The following MAP4K3 variants were observed in gnomAD, a reference collection of about 807,000 sequenced individuals.
The protein encoded by MAP4K3 is mitogen-activated protein kinase kinase kinase kinase 3, also known as MAPK/ERK kinase kinase kinase 3.
A neutral mutation model predicts 143.5 loss-of-function variants in MAP4K3; 94 were observed. The observed-to-expected ratio is 0.65, with a 90% CI of 0.55 to 0.78. MAP4K3 has a LOEUF of 0.78. Among genes scored for constraint, MAP4K3 ranks in the 30% least tolerant of loss-of-function variants. The pLI is 0.00. For synonymous variants in MAP4K3, 416 were observed against 347.2 expected (o/e 1.20, Z -2.20); for missense variants, 1,077 against 1,068.1 (o/e 1.01, Z -0.12).
At chr2:39,362,942 T>C (rs565960206) in intron 2 of MAP4K3, among the ~76,000 whole-genome samples, 1 of 152,268 alleles carries the variant, frequency 6.6e-6, no homozygotes, top group East Asian at 1.9e-4. Flanking sequence ...GACTATGCAA[T>C]GGGATAAAAC....
intron 4 of MAP4K3, among the ~76,000 whole-genome samples, chr2:39,343,065 T>G (rs59475191): frequency 4.6e-5 from 7 of 152,172 alleles, no homozygotes; most frequent in African/African-American, 1.7e-4. Context: ...TCACTACTCA[T>G]GTATACACTG....
chr2:39,433,843 G>C (rs1435293666), intron 1 of MAP4K3, among the ~76,000 whole-genome samples: 1 of 151,638 alleles, frequency 6.6e-6, no homozygotes, highest in Admixed American at 6.6e-5. Flanking sequence ...ATATGCATTG[G>C]CCTGAAAAAA....
rs756704316 is a variant in MAP4K3, at chr2:39,325,593, C to A, written c.843G>T (p.Leu281Phe). Residue 281 changes from leucine (L) to phenylalanine (F), a missense_variant, in exon 12 of 34, where the codon TTG (leucine) becomes TTT (phenylalanine). Leu to Phe is a conservative substitution (Grantham distance 22, BLOSUM62 0). Coordinates refer to ENST00000263881, the MANE Select transcript of MAP4K3 (RefSeq NM_003618.4). ...TTACTTTATCCAACAGCTCGATTGC[C>A]AAAGACCGTGTCAAATGTTGTGTTA... ...PFVTQHLTRSLAIELLDKVNN... is the reference protein window; with the variant it reads ...PFVTQHLTRSFAIELLDKVNN... 22 of 1,613,028 alleles carry A rather than the reference C, an allele frequency of 1.4e-5. No individual in the cohort carries two copies. The Admixed American group carries it at 3.5e-4, about 26-fold the overall frequency.
chr2:39,372,113 AAAG>A (rs1161219209), intron 2 of MAP4K3, among the ~76,000 whole-genome samples: 1 of 151,838 alleles, frequency 6.6e-6, no homozygotes, highest in Non-Finnish European at 1.5e-5. Context: ...AAATATTCAA[AAAG>A]TAGTATCATT....
intron 19 of MAP4K3, among the ~76,000 whole-genome samples, chr2:39,288,849 G>A (rs1368151672): frequency 6.6e-6 from 1 of 152,122 alleles, no homozygotes; most frequent in Non-Finnish European, 1.5e-5. Flanking sequence ...TCAGGAGATC[G>A]AGATCATCCT....
chr2:39,268,728 C>T lies in MAP4K3; in HGVS notation c.1974-1481G>A, dbSNP rs184265985. ...GACCTCAGTTCACTGCAACCTCTGC[C>T]TCCCAGGTTCAAGTGATTCTCCTGC... is the stretch of plus-strand genomic sequence containing the variant. On this transcript the variant is annotated intron_variant, in intron 26 of 33. Coordinates refer to ENST00000263881, the MANE Select transcript of MAP4K3 (RefSeq NM_003618.4). 5.2e-3 allele frequency among the ~76,000 whole-genome samples: 764 copies of T among 148,184 alleles called. 16 individuals are homozygous for T. The highest frequency in any genetic ancestry group is 0.018 in the African/African-American group (732 of 40,392).
At chr2:39,276,524 T>C (rs966519820) in intron 24 of MAP4K3, among the ~76,000 whole-genome samples, 2 of 152,218 alleles carry the variant, frequency 1.3e-5, no homozygotes, top group Non-Finnish European at 2.9e-5. Context: ...CCTAGGTTCA[T>C]ATCGCAGTCC....
chr2:39,417,289 G>A (rs566615951), intron 1 of MAP4K3, among the ~76,000 whole-genome samples: 105 of 149,630 alleles, frequency 7.0e-4, no homozygotes, highest in African/African-American at 2.4e-3. Flanking sequence ...GCACAATCTC[G>A]GCTCACTGCA....
intron 1 of MAP4K3, among the ~76,000 whole-genome samples, chr2:39,384,838 A>G (rs889552071): frequency 6.6e-6 from 1 of 152,208 alleles, no homozygotes; most frequent in East Asian, 1.9e-4. Flanking sequence ...ATATTAGATT[A>G]TGTAACCACC....
chr2:39,321,289 C>T (rs1205285528), intron 12 of MAP4K3, among the ~76,000 whole-genome samples: 1 of 152,082 alleles, frequency 6.6e-6, no homozygotes, highest in Non-Finnish European at 1.5e-5. Flanking sequence ...GATCTTATTA[C>T]CCCCCAACCC....
intron 17 of MAP4K3, 148 bp from the exon 18 acceptor site, chr2:39,292,974 G>T: frequency 1.4e-6 from 1 of 738,472 alleles, no homozygotes; most frequent in South Asian, 1.7e-5. Flanking sequence ...ATTAAAACAA[G>T]GAACTGGGAG....
chr2:39,389,733 C>T (rs529850238), intron 1 of MAP4K3, among the ~76,000 whole-genome samples: 12 of 152,234 alleles, frequency 7.9e-5, no homozygotes, highest in African/African-American at 2.9e-4. Flanking sequence ...ACACCAAGGG[C>T]TCACTGCCAA....
chr2:39,384,652 T>C (rs1055106739), intron 1 of MAP4K3, among the ~76,000 whole-genome samples: 2 of 152,238 alleles, frequency 1.3e-5, no homozygotes, highest in Non-Finnish European at 2.9e-5. Context: ...ATTAGCCCCA[T>C]ACCACATGTG....
intron 20 of MAP4K3, 62 bp downstream of exon 20, chr2:39,288,059 T>G (rs1472171388): frequency 3.8e-6 from 6 of 1,572,376 alleles, no homozygotes; most frequent in South Asian, 1.1e-5. Flanking sequence ...TAAAAGAAAG[T>G]TTTTTTTCTC....
Position 39,252,839 on chromosome 2 carries a change from T to A in MAP4K3, c.2542-954A>T, listed in dbSNP as rs3770677. ...TGCTCAGCATGCTCACTTCAATGCC[T>A]GTGGCTCATCATGACTGTGATTACC... On this transcript the variant is annotated intron_variant, in intron 32 of 33. Coordinates refer to ENST00000263881, the MANE Select transcript of MAP4K3 (RefSeq NM_003618.4). Among the ~76,000 whole-genome samples, 258 of 152,382 alleles carry A rather than the reference T, an allele frequency of 1.7e-3. 6 individuals are homozygous for A. The East Asian group carries it at 0.024, about 14-fold the overall frequency.
At chr2:39,258,910 T>C (rs943998263) in intron 29 of MAP4K3, among the ~76,000 whole-genome samples, 2 of 152,152 alleles carry the variant, frequency 1.3e-5, no homozygotes, top group African/African-American at 4.8e-5. Context: ...AAAACCAAAT[T>C]TTCTATTAGT....
chr2:39,300,231 C>T (rs1403743390), intron 15 of MAP4K3, among the ~76,000 whole-genome samples: 1 of 152,158 alleles, frequency 6.6e-6, no homozygotes, highest in Non-Finnish European at 1.5e-5. Context: ...CATATTTCTA[C>T]TGCTGTTTCA....
At chr2:39,375,094 C>T (rs145699522) in intron 2 of MAP4K3, among the ~76,000 whole-genome samples, 1 of 152,074 alleles carries the variant, frequency 6.6e-6, no homozygotes, top group African/African-American at 2.4e-5. Context: ...GACCCTGTCT[C>T]TACAAAAAAT....
At chr2:39,376,897 T>C (rs1666232126) in intron 2 of MAP4K3, among the ~76,000 whole-genome samples, 1 of 152,226 alleles carries the variant, frequency 6.6e-6, no homozygotes, top group Non-Finnish European at 1.5e-5. Context: ...CCTTCTTAAA[T>C]TTCTTATGAA....
Sources: gnomAD v4.1 joint callset for allele counts (sites outside exome capture counted in the v4.1 genomes callset) on GRCh38, gnomAD v4.1.1 for gene constraint, MANE v1.5 for transcripts, NCBI Gene and HGNC (gene_info 2026-07-23, HGNC 2026-07-21) for gene names.